AUTS2: variants seen among roughly 807,000 people sequenced by gnomAD.
AUTS2 encodes the protein autism susceptibility gene 2 protein.
AUTS2 carries 17 observed loss-of-function variants against 112.4 expected under a neutral mutation model. That is an observed-to-expected ratio of 0.15 (90% CI 0.10 to 0.23). The LOEUF (loss-of-function observed/expected upper bound fraction) is 0.23. Ranked by LOEUF, AUTS2 falls within the 10% of genes least tolerant of loss-of-function variation. AUTS2 has a pLI of 1.00. For synonymous variants in AUTS2, 751 were observed against 702.7 expected, an observed-to-expected ratio of 1.07 and a Z score of -1.09; for missense variants, 1,510 against 1,701.6, an observed-to-expected ratio of 0.89 and a Z score of 1.98.
chr7:70,613,069 G>C lies in AUTS2; in HGVS notation c.691-85500G>C, dbSNP rs532582863. ...TTATCATAAAAAGTGATTTAGACTGGAGCTGATTGATGCAAATGGCCCTAT... is the reference window on the plus strand; with the variant it reads ...TTATCATAAAAAGTGATTTAGACTGCAGCTGATTGATGCAAATGGCCCTAT... On this transcript the variant is annotated intron_variant, in intron 5 of 18. Coordinates refer to ENST00000342771, the MANE Select transcript of AUTS2 (RefSeq NM_015570.4). 2.6e-5 allele frequency among the ~76,000 whole-genome samples: 4 copies of C among 152,162 alleles called. No individual in the cohort carries two copies. The South Asian group carries it at 8.3e-4, about 32-fold the overall frequency.
chr7:70,430,092 C>T (rs563496192), intron 4 of AUTS2, among the ~76,000 whole-genome samples: 8 of 152,268 alleles, frequency 5.3e-5, no homozygotes, highest in Admixed American at 3.9e-4. Context: ...CCTGAACTAA[C>T]GCAGTAGCCA....
chr7:70,249,773 G>A (rs1181724225), intron 4 of AUTS2, among the ~76,000 whole-genome samples: 1 of 151,706 alleles, frequency 6.6e-6, no homozygotes, highest in African/African-American at 2.4e-5. Context: ...ATACATGCAG[G>A]TGATGATGCA....
intron 5 of AUTS2, among the ~76,000 whole-genome samples, chr7:70,553,027 A>C (rs79763380): frequency 2.2e-3 from 331 of 152,338 alleles, no homozygotes; most frequent in Non-Finnish European, 3.6e-3. Context: ...GAGCCAGCAG[A>C]AGGCCTGGAG....
intron 5 of AUTS2, among the ~76,000 whole-genome samples, chr7:70,670,114 CTG>C (rs1297943078): frequency 6.6e-6 from 1 of 152,204 alleles, no homozygotes; most frequent in Non-Finnish European, 1.5e-5. Flanking sequence ...TCTCTGTAGA[CTG>C]TTACTGTCTG....
intron 2 of AUTS2, among the ~76,000 whole-genome samples, chr7:69,902,614 C>T (rs577847957): frequency 6.6e-6 from 1 of 152,298 alleles, no homozygotes; most frequent in South Asian, 2.1e-4. Flanking sequence ...GAAGATGTTA[C>T]TCCTTAGTAG....
intron 5 of AUTS2, among the ~76,000 whole-genome samples, chr7:70,679,970 C>T (rs769826354): frequency 3.9e-5 from 6 of 152,178 alleles, no homozygotes; most frequent in Admixed American, 1.3e-4. Flanking sequence ...CAACTGACAG[C>T]GGCACGGAGC....
rs183411581 is a variant in AUTS2 at position 69,897,721 on chromosome 7, C to T, written c.310-1565C>T. On this transcript the variant is annotated intron_variant, in intron 1 of 18. Transcript: ENST00000342771. The stretch of plus-strand genomic sequence containing the variant: ...ACAGTGAGCCAAGGTCGTGCTGTTG[C>T]ACTCCAACCTGGGCAACAAGAGCGA... Among the ~76,000 whole-genome samples, 15 of 152,158 alleles carry T rather than the reference C, an allele frequency of 9.9e-5. No homozygotes were observed. In the East Asian group the frequency reaches 2.3e-3, roughly 24 times the overall value.
intron 2 of AUTS2, among the ~76,000 whole-genome samples, chr7:70,108,650 TA>T (rs1315129571): frequency 1.3e-5 from 2 of 151,946 alleles, no homozygotes; most frequent in African/African-American, 2.4e-5. Flanking sequence ...TTTTTTACTG[TA>T]ACTACAACAA....
intron 1 of AUTS2, among the ~76,000 whole-genome samples, chr7:69,687,726 G>T (rs1391447059): frequency 6.6e-6 from 1 of 151,980 alleles, no homozygotes; most frequent in South Asian, 2.1e-4. Context: ...TCATCCTAAC[G>T]CGTATGATAA....
intron 1 of AUTS2, among the ~76,000 whole-genome samples, chr7:69,709,135 G>C (rs1310135983): frequency 1.3e-5 from 2 of 152,220 alleles, no homozygotes; most frequent in Admixed American, 6.5e-5. Flanking sequence ...CACAAGGCTG[G>C]CTAGAGGCCA....
intron 4 of AUTS2, among the ~76,000 whole-genome samples, chr7:70,410,420 T>TTATTTATC (rs1262943801): frequency 6.6e-5 from 10 of 150,700 alleles, no homozygotes; most frequent in African/African-American, 2.4e-4. Context: ...ATTTATTTAT[T>TTATTTATC]TATTTATTTA....
At chr7:69,616,720 T>G (rs1446782389) in intron 1 of AUTS2, among the ~76,000 whole-genome samples, 4 of 152,180 alleles carry the variant, frequency 2.6e-5, no homozygotes, top group Non-Finnish European at 5.9e-5. Flanking sequence ...TTGGGGACTT[T>G]CAGAGTGATA....
chr7:70,366,310 G>A (rs1403375556), intron 4 of AUTS2, among the ~76,000 whole-genome samples: 1 of 152,064 alleles, frequency 6.6e-6, no homozygotes, highest in East Asian at 1.9e-4. Context: ...AGAACACAAA[G>A]AAGGACGTAG....
rs972064858 is a variant in AUTS2, at chr7:70,690,775, C to A, written c.691-7794C>A. ...GCCAGGAGTTTAGGACCAGCCTGGT[C>A]AGTATAGGAAGACCTTGTCTGTACA... is the stretch of plus-strand genomic sequence containing the variant. On this transcript the variant is annotated intron_variant, in intron 5 of 18. Transcript: ENST00000342771. Among the ~76,000 whole-genome samples the A allele has an allele frequency of 1.7e-4, 26 of 152,038 alleles. 1 individual carries two copies. The highest frequency in any genetic ancestry group is 5.6e-4 in the African/African-American group (23 of 41,386).
chr7:70,218,000 A>G (rs1811263813), intron 4 of AUTS2, among the ~76,000 whole-genome samples: 1 of 152,186 alleles, frequency 6.6e-6, no homozygotes, highest in South Asian at 2.1e-4. Flanking sequence ...AGCAAACTTT[A>G]TGCTGTAAAG....
At chr7:70,004,893 C>T (rs1380799767) in intron 2 of AUTS2, among the ~76,000 whole-genome samples, 3 of 151,768 alleles carry the variant, frequency 2.0e-5, no homozygotes, top group South Asian at 2.1e-4. Flanking sequence ...GACATGGTCT[C>T]GGTTCACTGC....
chr7:69,983,573 G>A (rs1319207762), intron 2 of AUTS2, among the ~76,000 whole-genome samples: 1 of 152,006 alleles, frequency 6.6e-6, no homozygotes, highest in African/African-American at 2.4e-5. Context: ...AAGAAAAAAA[G>A]TGCTACTCTT....
Position 70,774,397 on chromosome 7 carries a change from C to G in AUTS2, c.1902+298C>G, listed in dbSNP as rs1025816018. Reference sequence around the variant, plus strand: ...GTATAGTTTTTACTTAACCAATCTTCTCTGTCTGTATCTCCTTAAATTGTC... The same window carrying G: ...GTATAGTTTTTACTTAACCAATCTTGTCTGTCTGTATCTCCTTAAATTGTC... On this transcript the variant is annotated intron_variant, in intron 12 of 18. Transcript: ENST00000342771. 40 of 366,278 alleles carry G rather than the reference C, an allele frequency of 1.1e-4. No homozygotes were observed. In the East Asian group the frequency reaches 1.7e-3, roughly 15 times the overall value. 22.7% of individuals were successfully genotyped at this position (366,278 alleles called of 1,614,324 possible). A position where few individuals can be genotyped will look rare whatever the true frequency, so the allele number is the denominator to read the frequency against.
intron 2 of AUTS2, among the ~76,000 whole-genome samples, chr7:70,091,878 G>T (rs898393934): frequency 1.3e-5 from 2 of 152,154 alleles, no homozygotes; most frequent in African/African-American, 4.8e-5. Context: ...TGTTCACTTT[G>T]TTCCAATCCT....
Sources: allele counts gnomAD v4.1 joint callset (sites outside exome capture counted in the v4.1 genomes callset), GRCh38; gene constraint gnomAD v4.1.1; transcripts MANE v1.5; gene names NCBI Gene and HGNC (gene_info 2026-07-23, HGNC 2026-07-21).